The following MED24 variants were observed in gnomAD, a reference collection of about 807,000 sequenced individuals.
MED24 encodes mediator complex subunit 24.
A neutral mutation model predicts 118.8 loss-of-function variants in MED24; 74 were observed. The observed-to-expected ratio is 0.62, with a 90% confidence interval of 0.52 to 0.76. MED24 has a LOEUF of 0.76. MED24 is among the 30% of genes least tolerant of loss of function. MED24 has a pLI of 0.00. For missense variants in MED24, 1,041 were observed against 1,278.9 expected (o/e 0.81, Z 2.84); for synonymous variants, 521 against 523.9 (o/e 0.99, Z 0.08).
chr17:40,031,749 G>A, intron 10 of MED24, 129 bp from the exon 11 acceptor site: 1 of 871,404 alleles, frequency 1.1e-6, no homozygotes, highest in Non-Finnish European at 1.8e-6. Flanking sequence ...CTGGGTGTAT[G>A]TTGTGGGTGC....
At chr17:40,021,532 G>A (rs1982001241) in intron 23 of MED24, 1 of 157,040 alleles carries the variant, frequency 6.4e-6, no homozygotes, top group African/African-American at 2.4e-5. Flanking sequence ...CAGGAAGGTG[G>A]GGAGTAGCCC....
Position 40,022,061 on chromosome 17 carries a change from G to A in MED24, c.2524-7C>T. ...GGAAGAGGCTGATATAATCCTAGAG[G>A]GAGTGAAAGTCACTGTTATACACCC... On this transcript the variant is annotated splice_polypyrimidine_tract_variant and splice_region_variant and intron_variant, in intron 22 of 25. Coordinates refer to ENST00000394128, the MANE Select transcript of MED24 (RefSeq NM_014815.4). 4 of 1,586,220 alleles carry A rather than the reference G, an allele frequency of 2.5e-6. No homozygotes were observed. The highest frequency in any genetic ancestry group is 1.4e-5 in the African/African-American group (1 of 73,944).
intron 18 of MED24, 74 bp from the exon 19 acceptor site, chr17:40,026,405 G>A: frequency 6.4e-7 from 1 of 1,556,934 alleles, no homozygotes; most frequent in Non-Finnish European, 8.7e-7. Flanking sequence ...CTCAGCCTCT[G>A]CGGGCAGCTA....
intron 1 of MED24, chr17:40,053,968 T>C (rs1986095632): frequency 2.4e-6 from 1 of 414,056 alleles, no homozygotes. Flanking sequence ...TCGTCTCCAC[T>C]AAAAATACAA....
chr17:40,042,499 C>A (rs1984662633), intron 3 of MED24, among the ~76,000 whole-genome samples: 1 of 151,982 alleles, frequency 6.6e-6, no homozygotes, highest in Admixed American at 6.6e-5. Context: ...ATGGTGAAAC[C>A]CCATCTCTAC....
chr17:40,047,257 G>A (rs1378736289), intron 3 of MED24, among the ~76,000 whole-genome samples: 3 of 152,228 alleles, frequency 2.0e-5, no homozygotes, highest in Non-Finnish European at 2.9e-5. Context: ...AAAGGCAATT[G>A]TGGGAGAGGG....
At chr17:40,053,146 G>T in intron 3 of MED24, 152 bp downstream of exon 3, 1 of 712,238 alleles carries the variant, frequency 1.4e-6, no homozygotes, top group Non-Finnish European at 2.3e-6. Context: ...TGTTACGCAG[G>T]CTGGTCTTGA....
rs748596445 is a variant in MED24, at chr17:40,033,074, C to T, written c.804G>A (p.Thr268=). Residue 268 remains threonine, a synonymous_variant, in exon 8 of 26, where the codon ACG becomes ACA. Transcript: ENST00000394128. The surrounding 1 kb of genome is among the most constrained non-coding windows in gnomAD (Gnocchi z 5.2). ...GETQSLVEQL[T]MVKRMQHIPT... ...CTCCCACCTGCATGCGCTTCACCATCGTCAGCTGCTCCACCAGGGACTGCG... is the reference window on the plus strand; with the variant it reads ...CTCCCACCTGCATGCGCTTCACCATTGTCAGCTGCTCCACCAGGGACTGCG... 5.0e-6 allele frequency: 8 copies of T among 1,613,912 alleles called. No individual in the cohort carries two copies. Among genetic ancestry groups the T allele is most frequent in the East Asian group, 2.2e-5 (1 of 44,894 alleles).
intron 3 of MED24, among the ~76,000 whole-genome samples, chr17:40,044,721 A>C (rs1407396734): frequency 1.3e-5 from 2 of 151,690 alleles, no homozygotes; most frequent in Admixed American, 6.6e-5. Context: ...TCTACTAAAA[A>C]TACAAAAATT....
rs1207948902 is a variant in MED24 at position 40,033,889 on chromosome 17, C to T, written c.560-433G>A. On this transcript the variant is annotated intron_variant, in intron 6 of 25. Coordinates refer to ENST00000394128, the MANE Select transcript of MED24 (RefSeq NM_014815.4). The surrounding 1 kb of genome is among the most constrained non-coding windows in gnomAD (Gnocchi z 5.2). ...TGGGTCCCTAAATGGCTTTCTCATT[C>T]TCAACCACTCCCTCATCTAGGCATT... 2.6e-6 allele frequency: 1 copy of T among 383,116 alleles called. No homozygotes were observed. The highest frequency in any genetic ancestry group is 2.1e-5 in the African/African-American group (1 of 47,992). The allele number at this position is 383,116 out of a possible 1,614,324, so 23.7% of individuals were successfully genotyped here. A position where few individuals can be genotyped will look rare whatever the true frequency, so the allele number is the denominator to read the frequency against.
At chr17:40,030,677 G>A (rs1359833523) in intron 12 of MED24, among the ~76,000 whole-genome samples, 2 of 137,302 alleles carry the variant, frequency 1.5e-5, no homozygotes, top group Non-Finnish European at 3.1e-5. Flanking sequence ...TTTTTTTTTT[G>A]AGACAAGGTC....
At chr17:40,029,261 C>T (rs191385441) in intron 13 of MED24, among the ~76,000 whole-genome samples, 2 of 152,238 alleles carry the variant, frequency 1.3e-5, no homozygotes, top group Admixed American at 6.5e-5. Flanking sequence ...TGCAGTGGTG[C>T]GATCTTGGCT....
chr17:40,043,896 A>AAAAAAAAAAAAAAAAAAAAAAAAC (rs1222947753), intron 3 of MED24, among the ~76,000 whole-genome samples: 15 of 150,910 alleles, frequency 9.9e-5, no homozygotes, highest in Non-Finnish European at 1.8e-4. Context: ...ATCTCAAAAA[A>AAAAAAAAAAAAAAAAAAAAAAAAC]AAAAAAAACA....
chr17:40,033,699 C>T lies in MED24; in HGVS notation c.560-243G>A, dbSNP rs1983640589. 1.6e-6 allele frequency: 1 copy of T among 641,640 alleles called. No individual in the cohort carries two copies. Among genetic ancestry groups the T allele is most frequent in the Non-Finnish European group, 2.9e-6 (1 of 346,830 alleles). The allele number at this position is 641,640 out of a possible 1,614,324, so 39.7% of individuals were successfully genotyped here. On this transcript the variant is annotated intron_variant, in intron 6 of 25. Transcript: ENST00000394128. The surrounding 1 kb of genome is among the most constrained non-coding windows in gnomAD (Gnocchi z 5.2). ...AAAGCCTGATTTCCAGGGGACACAG[C>T]CAGCTGACTTCAGAAGGTATGGCAT...
chr17:40,027,685 C>T (rs549015453), intron 15 of MED24: 3 of 664,668 alleles, frequency 4.5e-6, no homozygotes, highest in South Asian at 1.9e-5. Context: ...CTAACCAAGT[C>T]GTAAAGGGAT....
intron 23 of MED24, 52 bp downstream of exon 23, chr17:40,021,903 G>T: frequency 7.5e-7 from 1 of 1,328,498 alleles, no homozygotes; most frequent in Non-Finnish European, 1.0e-6. Context: ...GGCAGCATCG[G>T]GGAGTGAATT....
chr17:40,022,593 G>A (rs1200890802), intron 21 of MED24, 52 bp downstream of exon 21: 4 of 1,607,498 alleles, frequency 2.5e-6, no homozygotes, highest in East Asian at 2.2e-5. Context: ...CCAGGCGAGG[G>A]GTGCTTGACC....
intron 3 of MED24, among the ~76,000 whole-genome samples, chr17:40,050,082 T>G (rs1220697210): frequency 7.3e-6 from 1 of 136,696 alleles, no homozygotes; most frequent in Non-Finnish European, 1.5e-5. Context: ...CCCAAGGAGA[T>G]GGAGGTTGCA....
intron 24 of MED24, 31 bp from the exon 25 acceptor site, chr17:40,019,964 G>C: frequency 6.4e-7 from 1 of 1,553,786 alleles, no homozygotes; most frequent in Non-Finnish European, 8.7e-7. Flanking sequence ...GTGACAGGAG[G>C]GAGTTCCATG....
Sources: allele counts gnomAD v4.1 joint callset (sites outside exome capture counted in the v4.1 genomes callset), GRCh38; gene constraint gnomAD v4.1.1; non-coding constraint Gnocchi (gnomAD v3.1); transcripts MANE v1.5; gene names NCBI Gene and HGNC (gene_info 2026-07-23, HGNC 2026-07-21).